The following ENOX1 variants were observed in gnomAD, a reference collection of about 807,000 sequenced individuals.
ENOX1 encodes the protein candidate growth-related and time keeping constitutive hydroquinone (NADH) oxidase.
ENOX1 carries 42 observed loss-of-function variants against 82.5 expected under a neutral mutation model. The ratio of observed to expected loss-of-function variants is 0.51; its 90% CI spans 0.40 to 0.66. The LOEUF is 0.66. Ranked by LOEUF, ENOX1 falls within the 30% of genes least tolerant of loss-of-function variation. ENOX1 has a pLI of 0.00. For synonymous variants in ENOX1, 271 were observed against 282.2 expected (o/e 0.96, Z 0.40); for missense variants, 608 against 811.6 (o/e 0.75, Z 3.05).
intron 1 of ENOX1, among the ~76,000 whole-genome samples, chr13:43,766,538 A>G (rs113968871): frequency 0.015 from 2,274 of 152,304 alleles, 51 homozygotes; most frequent in African/African-American, 0.05. Context: ...ATGGGGTAGC[A>G]CACTGCTATA....
At chr13:43,673,971 C>T (rs1440451513) in intron 1 of ENOX1, among the ~76,000 whole-genome samples, 1 of 152,170 alleles carries the variant, frequency 6.6e-6, no homozygotes, top group East Asian at 1.9e-4. Flanking sequence ...CGCCTGGAGA[C>T]CCATTAAATT....
At chr13:43,616,153 G>GATAT (rs1566641461) in intron 2 of ENOX1, among the ~76,000 whole-genome samples, 1 of 16,414 alleles carries the variant, frequency 6.1e-5, no homozygotes, top group Non-Finnish European at 1.4e-4. Context: ...TATCTATATA[G>GATAT]ATAGATATCT....
chr13:43,335,948 T>A (rs2048683844), intron 9 of ENOX1, among the ~76,000 whole-genome samples: 1 of 152,204 alleles, frequency 6.6e-6, no homozygotes, highest in African/African-American at 2.4e-5. Flanking sequence ...AGAGGTATTT[T>A]TTTAAATGGA....
intron 1 of ENOX1, among the ~76,000 whole-genome samples, chr13:43,708,930 T>C (rs935496802): frequency 6.6e-6 from 1 of 152,144 alleles, no homozygotes; most frequent in African/African-American, 2.4e-5. Flanking sequence ...CGGCAAGCCA[T>C]AGATTCCCAG....
intron 1 of ENOX1, among the ~76,000 whole-genome samples, chr13:43,761,180 C>A (rs1157569077): frequency 6.6e-6 from 1 of 152,050 alleles, no homozygotes; most frequent in Non-Finnish European, 1.5e-5. Context: ...GAGATGCCCA[C>A]AAGATACCTA....
chr13:43,348,250 G>A (rs34079236), intron 8 of ENOX1, among the ~76,000 whole-genome samples: 2,305 of 152,256 alleles, frequency 0.015, 61 homozygotes, highest in African/African-American at 0.05. Context: ...ACAATTCCCC[G>A]CATATCCTGC....
At chr13:43,655,466 T>C (rs2084386690) in intron 2 of ENOX1, among the ~76,000 whole-genome samples, 1 of 152,188 alleles carries the variant, frequency 6.6e-6, no homozygotes, top group Non-Finnish European at 1.5e-5. Context: ...ATCAGTCCTG[T>C]CATCAAGTCA....
At chr13:43,320,073 T>C (rs997739202) in intron 11 of ENOX1, among the ~76,000 whole-genome samples, 2 of 152,176 alleles carry the variant, frequency 1.3e-5, no homozygotes, top group African/African-American at 4.8e-5. Context: ...AGATGGGAAT[T>C]CTTGCTGTCA....
chr13:43,585,638 C>T (rs995954453), intron 2 of ENOX1, among the ~76,000 whole-genome samples: 3 of 152,146 alleles, frequency 2.0e-5, no homozygotes, highest in Non-Finnish European at 2.9e-5. Flanking sequence ...AGTGCAATGG[C>T]GCGATCTCAG....
chr13:43,634,797 A>G (rs1468849101), intron 2 of ENOX1, among the ~76,000 whole-genome samples: 1 of 152,212 alleles, frequency 6.6e-6, no homozygotes, highest in Non-Finnish European at 1.5e-5. Context: ...GTGATATTAT[A>G]AACATGTTCT....
intron 11 of ENOX1, among the ~76,000 whole-genome samples, chr13:43,312,481 T>C (rs753979380): frequency 1.6e-4 from 24 of 152,184 alleles, no homozygotes; most frequent in Non-Finnish European, 3.1e-4. Context: ...GCTCAGATCA[T>C]TTCAGATCAA....
At chr13:43,331,317 G>A (rs2153534249) in intron 9 of ENOX1, among the ~76,000 whole-genome samples, 1 of 152,298 alleles carries the variant, frequency 6.6e-6, no homozygotes, top group Admixed American at 6.5e-5. Flanking sequence ...CAGCTAAATA[G>A]CGGTGAAAGA....
chr13:43,687,116 G>A (rs2086117563), intron 1 of ENOX1, among the ~76,000 whole-genome samples: 1 of 152,100 alleles, frequency 6.6e-6, no homozygotes, highest in African/African-American at 2.4e-5. Context: ...TTACCATATT[G>A]TCCTATAATT....
At chr13:43,704,064 C>A (rs963597343) in intron 1 of ENOX1, among the ~76,000 whole-genome samples, 2 of 150,458 alleles carry the variant, frequency 1.3e-5, no homozygotes, top group African/African-American at 2.4e-5. Context: ...ATTAAGACAC[C>A]GATAGAGAAA....
intron 3 of ENOX1, among the ~76,000 whole-genome samples, chr13:43,418,529 AAAATAAAAAT>A (rs1197514778): frequency 1.3e-5 from 2 of 152,248 alleles, no homozygotes; most frequent in African/African-American, 4.8e-5. Context: ...CTGTCTCAAA[AAAATAAAAAT>A]AAATAAAAAT....
At chr13:43,606,428 A>C (rs1483970617) in intron 2 of ENOX1, among the ~76,000 whole-genome samples, 1 of 152,052 alleles carries the variant, frequency 6.6e-6, no homozygotes, top group East Asian at 1.9e-4. Flanking sequence ...TGGATAAAGA[A>C]AATGGGGTAC....
chr13:43,457,071 A>G (rs1284486801), intron 3 of ENOX1, among the ~76,000 whole-genome samples: 1 of 152,162 alleles, frequency 6.6e-6, no homozygotes, highest in Non-Finnish European at 1.5e-5. Flanking sequence ...GTTCTTTACT[A>G]ATTTTAATGA....
intron 1 of ENOX1, among the ~76,000 whole-genome samples, chr13:43,696,073 T>C (rs756039448): frequency 6.6e-6 from 1 of 152,218 alleles, no homozygotes; most frequent in Non-Finnish European, 1.5e-5. Context: ...CTTCTTTCAC[T>C]CAGCATAATG....
chr13:43,761,848 G>T (rs1950997346), intron 1 of ENOX1, among the ~76,000 whole-genome samples: 1 of 152,116 alleles, frequency 6.6e-6, no homozygotes, highest in Non-Finnish European at 1.5e-5. Flanking sequence ...CTGTAGAACA[G>T]GAAGAGAAAG....
Sources: gnomAD v4.1 joint callset for allele counts (sites outside exome capture counted in the v4.1 genomes callset) on GRCh38, gnomAD v4.1.1 for gene constraint, MANE v1.5 for transcripts, NCBI Gene and HGNC (gene_info 2026-07-23, HGNC 2026-07-21) for gene names.